Variants in AOPEP observed in about 807,000 individuals in gnomAD.
The protein encoded by AOPEP is aminopeptidase O.
A neutral mutation model predicts 98.1 loss-of-function variants in AOPEP; 77 were observed. That is an observed-to-expected ratio of 0.78 (90% CI 0.65 to 0.95). The LOEUF is 0.95. Ranked by LOEUF, AOPEP falls within the 40% of genes least tolerant of loss-of-function variation. The pLI, the probability that AOPEP is intolerant of heterozygous loss-of-function variation, is 0.00. For synonymous variants in AOPEP, 346 were observed against 365.3 expected, an observed-to-expected ratio of 0.95 and a Z score of 0.60; for missense variants, 1,024 against 1,024.7, an observed-to-expected ratio of 1.00 and a Z score of 0.01.
intron 5 of AOPEP, among the ~76,000 whole-genome samples, chr9:94,916,707 A>AT (rs1554767802): frequency 2.1e-4 from 31 of 147,184 alleles, no homozygotes; most frequent in African/African-American, 6.8e-4. Context: ...AAAAAAAAAA[A>AT]AATTAAATAA....
chr9:95,039,959 A>G (rs1292134833), intron 13 of AOPEP, among the ~76,000 whole-genome samples: 1 of 152,254 alleles, frequency 6.6e-6, no homozygotes, highest in African/African-American at 2.4e-5. Flanking sequence ...GAACTAAAGC[A>G]TGTTAAAGAT....
chr9:95,027,593 C>A (rs1192337546), intron 13 of AOPEP, among the ~76,000 whole-genome samples: 1 of 152,158 alleles, frequency 6.6e-6, no homozygotes, highest in African/African-American at 2.4e-5. Flanking sequence ...ACACATGTGT[C>A]TGTAGAGCCA....
At chr9:94,827,382 T>A (rs1854871163) in intron 5 of AOPEP, among the ~76,000 whole-genome samples, 1 of 152,232 alleles carries the variant, frequency 6.6e-6, no homozygotes, top group East Asian at 1.9e-4. Flanking sequence ...TCTTTGAGCC[T>A]CAAACCCTTT....
chr9:94,737,951 T>G (rs1832149219), intron 1 of AOPEP, among the ~76,000 whole-genome samples: 1 of 152,178 alleles, frequency 6.6e-6, no homozygotes, highest in Admixed American at 6.5e-5. Context: ...TAGAGTGTAG[T>G]GCTGAGAGTT....
At chr9:95,123,797 A>G in the AOPEP span, 23 of 695,916 alleles carry the variant, frequency 3.3e-5, no homozygotes, top group Admixed American at 3.9e-4. Flanking sequence ...TGAAGCCCAC[A>G]AGGACTGAAC....
the AOPEP span, among the ~76,000 whole-genome samples, chr9:95,140,880 C>A: frequency 1.3e-5 from 2 of 152,192 alleles, no homozygotes; most frequent in South Asian, 4.2e-4. Flanking sequence ...AAGGCAGCCA[C>A]CAACAAGCAG....
intron 13 of AOPEP, among the ~76,000 whole-genome samples, chr9:95,028,312 G>C (rs965010898): frequency 6.6e-6 from 1 of 152,234 alleles, no homozygotes; most frequent in African/African-American, 2.4e-5. Context: ...AATCACCCTC[G>C]TGGGAGTGAT....
chr9:95,042,264 A>G (rs2133597123), intron 13 of AOPEP, among the ~76,000 whole-genome samples: 1 of 149,576 alleles, frequency 6.7e-6, no homozygotes, highest in African/African-American at 2.4e-5. Flanking sequence ...GTGAGCCGAG[A>G]TTGCGCCACT....
Position 94,759,938 on chromosome 9 carries a change from G to C in AOPEP, c.155G>C (p.Arg52Thr). The change falls in exon 2 of 17, where the codon AGA becomes ACA. Residue 52 changes from arginine (R) to threonine (T), a missense_variant. Transcript: ENST00000375315. Reference sequence around the variant, plus strand: ...GTGCTTTTCCTCGAGGATGGAAACAGATTCAAGAAACAGAATAGCTCTATT... The same window carrying C: ...GTGCTTTTCCTCGAGGATGGAAACACATTCAAGAAACAGAATAGCTCTATT... ...TIVLFLEDGN[R>T]FKKQNSSIEE... 6.2e-7 allele frequency: 1 copy of C among 1,614,144 alleles called. No homozygotes were observed. The highest frequency in any genetic ancestry group is 1.1e-5 in the South Asian group (1 of 91,082).
intron 5 of AOPEP, among the ~76,000 whole-genome samples, chr9:94,889,145 C>T (rs530341047): frequency 6.6e-6 from 1 of 152,250 alleles, no homozygotes; most frequent in Admixed American, 6.5e-5. Context: ...AGGTGCCCAC[C>T]ACCACGCCCG....
At chr9:94,772,975 C>CT (rs779528835) in intron 2 of AOPEP, 27 bp from the exon 3 acceptor site, 28 of 1,558,010 alleles carry the variant, frequency 1.8e-5, no homozygotes, top group Non-Finnish European at 2.4e-5. Flanking sequence ...GATTCACCCC[C>CT]TTTCTTTCTT....
chr9:95,062,181 C>T (rs1002727830), intron 14 of AOPEP, among the ~76,000 whole-genome samples: 10 of 152,274 alleles, frequency 6.6e-5, no homozygotes, highest in Non-Finnish European at 1.3e-4. Context: ...TTGAGAAGAA[C>T]GGCTGTGGGT....
At chr9:94,933,775 T>G in intron 7 of AOPEP, 1 of 572,480 alleles carries the variant, frequency 1.7e-6, no homozygotes, top group Non-Finnish European at 2.2e-6. Context: ...TGAGACAGAG[T>G]GTCGCTCTGT....
chr9:94,800,898 C>CA lies in AOPEP; in HGVS notation c.1260_1261insA (p.Pro421ThrfsTer60). On this transcript the variant is annotated frameshift_variant, in exon 5 of 17. Coordinates refer to ENST00000375315, the MANE Select transcript of AOPEP (RefSeq NM_001193329.3). LOFTEE classifies it high-confidence loss of function. The stretch of plus-strand genomic sequence containing the variant: ...GCCAAGAGACCCTTCTGCGGCTGAT[C>CA]CCTCCTTGCCTCTCAGCAGCACATT... 1 of 1,614,144 alleles carries CA rather than the reference C, an allele frequency of 6.2e-7. No individual in the cohort carries two copies. Among genetic ancestry groups the CA allele is most frequent in the Non-Finnish European group, 8.5e-7 (1 of 1,180,014 alleles).
Position 95,086,201 on chromosome 9 carries a change from G to A in AOPEP, c.*5-481G>A, listed in dbSNP as rs1056975126. 81 of 1,294,778 alleles carry A rather than the reference G, an allele frequency of 6.3e-5. No homozygotes were observed. In the Admixed American group the frequency reaches 1.5e-3, roughly 24 times the overall value. The allele number at this position is 1,294,778 out of a possible 1,614,324, so 80.2% of individuals were successfully genotyped here. A position where few individuals can be genotyped will look rare whatever the true frequency, so the allele number is the denominator to read the frequency against. On this transcript the variant is annotated intron_variant, in intron 16 of 16. Coordinates refer to ENST00000375315, the MANE Select transcript of AOPEP (RefSeq NM_001193329.3). ...GTCCACCCTGCGTCCACCCCGGCCC[G>A]GCGGCAGCACGGTGCCAGTCATCTG...
At chr9:95,004,458 C>T (rs1283336473) in intron 11 of AOPEP, among the ~76,000 whole-genome samples, 1 of 151,938 alleles carries the variant, frequency 6.6e-6, no homozygotes, top group African/African-American at 2.4e-5. Flanking sequence ...GGTCACCTGC[C>T]GCTGCCCGGA....
chr9:94,765,205 C>T (rs906177581), intron 2 of AOPEP, among the ~76,000 whole-genome samples: 23 of 151,980 alleles, frequency 1.5e-4, no homozygotes, highest in Non-Finnish European at 2.8e-4. Flanking sequence ...CCAAGCATTC[C>T]TCCCACCTCA....
At chr9:95,119,697 G>T in the AOPEP span, among the ~76,000 whole-genome samples, 1 of 151,222 alleles carries the variant, frequency 6.6e-6, no homozygotes, top group African/African-American at 2.4e-5. Flanking sequence ...ATCTATCAAA[G>T]AATAGAAATT....
chr9:94,728,238 T>TGC (rs756011414), intron 1 of AOPEP, among the ~76,000 whole-genome samples: 12 of 80,926 alleles, frequency 1.5e-4, no homozygotes, highest in Admixed American at 2.9e-4. Context: ...CGTGCGCGCA[T>TGC]GCACACACAC....
Sources: allele counts gnomAD v4.1 joint callset (sites outside exome capture counted in the v4.1 genomes callset), GRCh38; gene constraint gnomAD v4.1.1; transcripts MANE v1.5; gene names NCBI Gene and HGNC (gene_info 2026-07-23, HGNC 2026-07-21).